The following DPP6 variants were observed in gnomAD, a reference collection of about 807,000 sequenced individuals.
DPP6 encodes A-type potassium channel modulatory protein DPP6.
DPP6 carries 69 observed loss-of-function variants against 122.6 expected under a neutral mutation model. The observed-to-expected ratio is 0.56, with a 90% CI of 0.46 to 0.69. The LOEUF is 0.69. Among genes scored for constraint, DPP6 ranks in the 30% least tolerant of loss-of-function variants. The pLI, the probability that DPP6 is intolerant of heterozygous loss-of-function variation, is 0.00. For synonymous variants in DPP6, 418 were observed against 433.1 expected, an observed-to-expected ratio of 0.97 and a Z score of 0.43; for missense variants, 928 against 1,116.9, an observed-to-expected ratio of 0.83 and a Z score of 2.41.
chr7:154,197,903 C>A (rs1798951358), intron 1 of DPP6, among the ~76,000 whole-genome samples: 1 of 152,268 alleles, frequency 6.6e-6, no homozygotes, highest in South Asian at 2.1e-4. Flanking sequence ...ACCTGGAAGA[C>A]CTAGAATTTC....
intron 1 of DPP6, among the ~76,000 whole-genome samples, chr7:153,918,456 ACACACACACACTCTCT>A (rs1250532566): frequency 4.8e-5 from 5 of 104,368 alleles, no homozygotes; most frequent in African/African-American, 1.6e-4. Context: ...ACACACACAC[ACACACACACACTCTCT>A]CTCTCTCTCT....
intron 6 of DPP6, among the ~76,000 whole-genome samples, chr7:154,668,744 C>T (rs1257826379): frequency 6.6e-6 from 1 of 152,140 alleles, no homozygotes; most frequent in East Asian, 1.9e-4. Context: ...GACCTTTACT[C>T]ACTATAACCT....
chr7:154,089,138 G>A (rs966909504), intron 1 of DPP6, among the ~76,000 whole-genome samples: 2 of 152,226 alleles, frequency 1.3e-5, no homozygotes, highest in Admixed American at 1.3e-4. Flanking sequence ...GATTTCTCAA[G>A]AGTGACTCAC....
intron 1 of DPP6, among the ~76,000 whole-genome samples, chr7:154,277,310 GC>G (rs1804205831): frequency 6.6e-6 from 1 of 152,074 alleles, no homozygotes; most frequent in South Asian, 2.1e-4. Flanking sequence ...TTAGCACATT[GC>G]CCATTGACAA....
intron 6 of DPP6, among the ~76,000 whole-genome samples, chr7:154,645,054 T>C (rs926300643): frequency 4.7e-5 from 7 of 149,224 alleles, no homozygotes; most frequent in African/African-American, 1.7e-4. Flanking sequence ...GTTTTGTTTA[T>C]TTGTTGGTTT....
At chr7:154,452,134 G>A (rs754029439) in intron 2 of DPP6, among the ~76,000 whole-genome samples, 7 of 152,230 alleles carry the variant, frequency 4.6e-5, no homozygotes, top group Non-Finnish European at 1.0e-4. Context: ...TCCCGGCTAG[G>A]AGCTGAGAAC....
chr7:154,498,121 G>A (rs1824913151), intron 3 of DPP6, among the ~76,000 whole-genome samples: 1 of 152,214 alleles, frequency 6.6e-6, no homozygotes, highest in African/African-American at 2.4e-5. Context: ...CTGACATGGT[G>A]CTTACATGAG....
the DPP6 span, among the ~76,000 whole-genome samples, chr7:153,802,356 C>T: frequency 3.3e-5 from 5 of 152,288 alleles, no homozygotes; most frequent in Non-Finnish European, 4.4e-5. Flanking sequence ...CTCCCTATAA[C>T]GAGTCACCTT....
chr7:154,152,733 G>T (rs577376196), intron 1 of DPP6, among the ~76,000 whole-genome samples: 1 of 152,168 alleles, frequency 6.6e-6, no homozygotes, highest in Non-Finnish European at 1.5e-5. Context: ...AGGAGCGTGG[G>T]ACCTGATCCA....
chr7:154,351,343 A>C (rs1453859852), intron 1 of DPP6, among the ~76,000 whole-genome samples: 6 of 152,108 alleles, frequency 3.9e-5, no homozygotes, highest in Non-Finnish European at 8.8e-5. Flanking sequence ...TGGCCCCACC[A>C]CCATCTCTTC....
chr7:153,958,714 A>G (rs370321637), intron 1 of DPP6, among the ~76,000 whole-genome samples: 12 of 152,282 alleles, frequency 7.9e-5, no homozygotes, highest in African/African-American at 2.6e-4. Context: ...GACAGCAGGA[A>G]CAGACACTAC....
At chr7:153,934,542 G>T (rs1212188863) in intron 1 of DPP6, among the ~76,000 whole-genome samples, 3 of 152,126 alleles carry the variant, frequency 2.0e-5, no homozygotes, top group African/African-American at 2.4e-5. Flanking sequence ...AATTTGACCT[G>T]CTCTTTCCCA....
At chr7:154,382,539 T>C (rs922655906) in intron 1 of DPP6, among the ~76,000 whole-genome samples, 3 of 152,226 alleles carry the variant, frequency 2.0e-5, no homozygotes, top group African/African-American at 7.2e-5. Context: ...TTCCAATCCA[T>C]GGGATGGTAA....
At chr7:154,873,416 G>A (rs1299848874) in intron 19 of DPP6, among the ~76,000 whole-genome samples, 9 of 152,070 alleles carry the variant, frequency 5.9e-5, no homozygotes, top group Non-Finnish European at 1.2e-4. Context: ...TCAAGACCAC[G>A]GAGCAGGAGA....
chr7:154,499,323 C>G (rs968169715), intron 3 of DPP6, among the ~76,000 whole-genome samples: 4 of 152,140 alleles, frequency 2.6e-5, no homozygotes. Flanking sequence ...TAGCACTGCC[C>G]CCCTGCCTTC....
intron 7 of DPP6, among the ~76,000 whole-genome samples, chr7:154,707,519 T>A (rs1323512593): frequency 6.6e-6 from 1 of 152,180 alleles, no homozygotes; most frequent in Admixed American, 6.5e-5. Context: ...AAAAATGAGA[T>A]GAGCCCTTGC....
chr7:154,504,791 C>A, intron 3 of DPP6, among the ~76,000 whole-genome samples: 1 of 142,562 alleles, frequency 7.0e-6, no homozygotes, highest in Non-Finnish European at 1.5e-5. Flanking sequence ...TATACAGTAT[C>A]AGGGTGTTTT....
At chr7:154,371,394 A>AG (rs1812652264) in intron 1 of DPP6, among the ~76,000 whole-genome samples, 1 of 141,484 alleles carries the variant, frequency 7.1e-6, no homozygotes, top group Non-Finnish European at 1.5e-5. Flanking sequence ...AAAAAAAAAA[A>AG]AAAAAAAAAA....
chr7:154,014,739 C>T lies in DPP6; in HGVS notation c.51+127005C>T, dbSNP rs184489208. Among the ~76,000 whole-genome samples the T allele has an allele frequency of 1.8e-3, 276 of 152,168 alleles. 2 individuals carry two copies. The highest frequency in any genetic ancestry group is 6.4e-3 in the African/African-American group (264 of 41,530). On this transcript the variant is annotated intron_variant, in intron 1 of 25. Coordinates refer to the DPP6 transcript ENST00000404039. ...CTTGTATTTTTTGTTTCTGTCCATC[C>T]TCTTACTTGATACCCCTCCACGTTC...
Sources: allele counts gnomAD v4.1 joint callset (sites outside exome capture counted in the v4.1 genomes callset), GRCh38; gene constraint gnomAD v4.1.1; transcripts MANE v1.5; gene names NCBI Gene and HGNC (gene_info 2026-07-23, HGNC 2026-07-21).